XKR6: variants seen among roughly 807,000 people sequenced by gnomAD.
The protein encoded by XKR6 is XK-related protein 6.
In XKR6, 22 loss-of-function variants were observed where a neutral mutation model predicts 56.7. The ratio of observed to expected loss-of-function variants is 0.39; its 90% confidence interval spans 0.28 to 0.55. The LOEUF (loss-of-function observed/expected upper bound fraction) is 0.55, where lower values mean the gene tolerates loss of function less well. XKR6 is among the 20% of genes least tolerant of loss of function. The pLI is 0.66. For missense variants in XKR6, 852 were observed against 889.0 expected, an observed-to-expected ratio of 0.96 and a Z score of 0.53; for synonymous variants, 524 against 387.8, an observed-to-expected ratio of 1.35 and a Z score of -4.13.
chr8:11,151,695 GT>G (rs573659426), intron 1 of XKR6, among the ~76,000 whole-genome samples: 169 of 144,772 alleles, frequency 1.2e-3, no homozygotes, highest in Admixed American at 1.9e-3. Context: ...CTTTGAACAA[GT>G]TTTTTTTTTT....
Position 11,168,032 on chromosome 8 carries a change from AG to A in XKR6, c.764+32543del, listed in dbSNP as rs1208427193. ...TGGGAAAAGTCACTTGACAAAAAAAAGAGATACATAAAACCAAAAACAACAA... is the reference window on the plus strand; with the variant it reads ...TGGGAAAAGTCACTTGACAAAAAAAAAGATACATAAAACCAAAAACAACAA... On this transcript the variant is annotated intron_variant, in intron 1 of 2. Transcript: ENST00000416569. Among the ~76,000 whole-genome samples the A allele has an allele frequency of 2.6e-5, 4 of 152,276 alleles. No individual in the cohort carries two copies. In the South Asian group the frequency reaches 8.3e-4, roughly 32 times the overall value.
intron 1 of XKR6, among the ~76,000 whole-genome samples, chr8:11,008,348 C>T (rs1461314888): frequency 6.6e-6 from 1 of 151,834 alleles, no homozygotes. Context: ...AGACTACAGC[C>T]AGGCCTTCTT....
intron 1 of XKR6, among the ~76,000 whole-genome samples, chr8:11,013,988 G>A: frequency 6.6e-6 from 1 of 152,210 alleles, no homozygotes; most frequent in East Asian, 1.9e-4. Context: ...AGTCAGCTTT[G>A]TCCAAACGTG....
At position 11,093,537 on chromosome 8, in the gene XKR6, TCTCTTAGTTATAATA is replaced by T. The variant is rs1798155256; in HGVS notation, c.764+107024_764+107038del. Among the ~76,000 whole-genome samples, 4 of 152,312 alleles carry T rather than the reference TCTCTTAGTTATAATA, an allele frequency of 2.6e-5. No individual in the cohort carries two copies. The South Asian group carries it at 8.3e-4, about 32-fold the overall frequency. ...ACTTAGTGCCCGGCCACATCCTTAG[TCTCTTAGTTATAATA>T]GCCAGATGTTGGCAACATGGTCCTT... On this transcript the variant is annotated intron_variant, in intron 1 of 2. Coordinates refer to ENST00000416569, the MANE Select transcript of XKR6 (RefSeq NM_173683.4).
chr8:11,103,583 T>C (rs1798566972), intron 1 of XKR6, among the ~76,000 whole-genome samples: 1 of 152,166 alleles, frequency 6.6e-6, no homozygotes, highest in South Asian at 2.1e-4. Flanking sequence ...AAGGTCAAAA[T>C]GGGGCTGTAA....
intron 1 of XKR6, among the ~76,000 whole-genome samples, chr8:10,952,969 G>T (rs1003160718): frequency 1.3e-5 from 2 of 152,214 alleles, no homozygotes; most frequent in Admixed American, 6.5e-5. Context: ...TGCCTGCGAG[G>T]GATCTAGGCT....
At chr8:11,183,166 A>G (rs745343397) in intron 1 of XKR6, among the ~76,000 whole-genome samples, 3 of 152,188 alleles carry the variant, frequency 2.0e-5, no homozygotes, top group Non-Finnish European at 4.4e-5. Flanking sequence ...TAGTGCTGCT[A>G]TGAATGTGGC....
intron 1 of XKR6, among the ~76,000 whole-genome samples, chr8:11,033,440 T>C (rs534115300): frequency 2.0e-4 from 30 of 151,482 alleles, no homozygotes; most frequent in African/African-American, 7.3e-4. Flanking sequence ...GTGATGATGA[T>C]GGTCGTAATG....
intron 1 of XKR6, among the ~76,000 whole-genome samples, chr8:11,189,556 C>T (rs1228995538): frequency 6.6e-6 from 1 of 152,148 alleles, no homozygotes; most frequent in East Asian, 1.9e-4. Flanking sequence ...TTTATCCATT[C>T]CGCCCCTCTA....
chr8:11,127,419 A>G (rs1452167835), intron 1 of XKR6, among the ~76,000 whole-genome samples: 1 of 152,228 alleles, frequency 6.6e-6, no homozygotes, highest in Non-Finnish European at 1.5e-5. Context: ...TTACAATTAC[A>G]CTTACCAGTG....
chr8:11,070,709 G>A lies in XKR6; in HGVS notation c.764+129867C>T, dbSNP rs146449465. Reference sequence around the variant, plus strand: ...CAGTTTATAAAACACTTATACAGATGATTCCATTTGAACTTCATAAAATCC... The same window carrying A: ...CAGTTTATAAAACACTTATACAGATAATTCCATTTGAACTTCATAAAATCC... On this transcript the variant is annotated intron_variant, in intron 1 of 2. Transcript: ENST00000416569. Among the ~76,000 whole-genome samples, 136 of 152,292 alleles carry A rather than the reference G, an allele frequency of 8.9e-4. No individual in the cohort carries two copies. In the Middle Eastern group the frequency reaches 0.017, roughly 19 times the overall value.
At position 10,897,324 on chromosome 8, in the gene XKR6, A is replaced by G. The variant is rs1799911407; in HGVS notation, c.*628T>C. 1 of 152,608 alleles carries G rather than the reference A, an allele frequency of 6.6e-6. No individual in the cohort carries two copies. The highest frequency in any genetic ancestry group is 6.5e-5 in the Admixed American group (1 of 15,282). The allele number at this position is 152,608 out of a possible 1,614,324, so 9.5% of individuals were successfully genotyped here. ...CTTCAATACAAATAATCAGATAGGAAGAATAATTGCTTTGTGTTGTATTTG... is the reference window on the plus strand; with the variant it reads ...CTTCAATACAAATAATCAGATAGGAGGAATAATTGCTTTGTGTTGTATTTG... On this transcript the variant is annotated 3_prime_UTR_variant, in exon 3 of 3. Transcript: ENST00000416569.
chr8:10,920,282 C>T (rs1800673224), intron 2 of XKR6, among the ~76,000 whole-genome samples: 1 of 152,170 alleles, frequency 6.6e-6, no homozygotes. Flanking sequence ...ACTACAACCA[C>T]CAAGAAAACA....
chr8:11,124,054 C>CT (rs1681204094), intron 1 of XKR6: 1 of 455,236 alleles, frequency 2.2e-6, no homozygotes. Flanking sequence ...TCCTGTCCTG[C>CT]TTGAGCTCTC....
intron 1 of XKR6, among the ~76,000 whole-genome samples, chr8:11,179,911 T>C (rs73530592): frequency 0.069 from 10,492 of 152,148 alleles, 420 homozygotes; most frequent in South Asian, 0.11. Context: ...TGTAGGGGAA[T>C]TGCTCAAGCC....
chr8:10,947,954 T>A (rs1013447756), intron 1 of XKR6, among the ~76,000 whole-genome samples: 26 of 152,206 alleles, frequency 1.7e-4, no homozygotes, highest in African/African-American at 6.3e-4. Flanking sequence ...GAAGTGGCTG[T>A]CAGGCCTGGG....
intron 1 of XKR6, among the ~76,000 whole-genome samples, chr8:11,040,661 G>A (rs1799263694): frequency 6.6e-6 from 1 of 152,150 alleles, no homozygotes. Context: ...CTGGTTCGTA[G>A]ACGATGCCTT....
chr8:10,933,167 A>G (rs1183492290), intron 1 of XKR6, among the ~76,000 whole-genome samples: 5 of 132,768 alleles, frequency 3.8e-5, no homozygotes, highest in Non-Finnish European at 8.1e-5. Flanking sequence ...GCATTTTTTC[A>G]TGTGTTTTTT....
In XKR6 at chr8:11,079,025, G is replaced by A. The variant is rs150538617; in HGVS notation, c.764+121551C>T. Reference sequence around the variant, plus strand: ...AGGAGCAAGACTAGAGGAACAGGGCGCTGCAGGGCCATAAGAACCCCAACC... The same window carrying A: ...AGGAGCAAGACTAGAGGAACAGGGCACTGCAGGGCCATAAGAACCCCAACC... On this transcript the variant is annotated intron_variant, in intron 1 of 2. Transcript: ENST00000416569. Among the ~76,000 whole-genome samples, 484 of 152,334 alleles carry A rather than the reference G, an allele frequency of 3.2e-3. 1 individual carries two copies. Among genetic ancestry groups the A allele is most frequent in the African/African-American group, 9.6e-3 (399 of 41,572 alleles).
Sources: gnomAD v4.1 joint callset for allele counts (sites outside exome capture counted in the v4.1 genomes callset) on GRCh38, gnomAD v4.1.1 for gene constraint, MANE v1.5 for transcripts, NCBI Gene and HGNC (gene_info 2026-07-23, HGNC 2026-07-21) for gene names.